PCDH15: variants seen among roughly 807,000 people sequenced by gnomAD.
PCDH15 encodes the protein protocadherin-15.
PCDH15 carries 129 observed loss-of-function variants against 178.5 expected under a neutral mutation model. That is an observed-to-expected ratio of 0.72 (90% CI 0.63 to 0.84). PCDH15 has a LOEUF of 0.84. PCDH15 is among the 40% of genes least tolerant of loss of function. The probability of loss-of-function intolerance (pLI) is 0.00; values close to 1 mark genes in which losing one functional copy is unlikely to be tolerated. For synonymous variants in PCDH15, 800 were observed against 732.0 expected, an observed-to-expected ratio of 1.09 and a Z score of -1.50; for missense variants, 2,230 against 2,099.9, an observed-to-expected ratio of 1.06 and a Z score of -1.21.
chr10:55,205,075 C>G (rs1315217551), intron 1 of PCDH15, among the ~76,000 whole-genome samples: 1 of 151,856 alleles, frequency 6.6e-6, no homozygotes, highest in African/African-American at 2.4e-5. Context: ...GATCTTACTT[C>G]CAAGCAAGCC....
At chr10:54,600,773 G>A (rs927200997) in intron 2 of PCDH15, 2 of 458,272 alleles carry the variant, frequency 4.4e-6, no homozygotes, top group Admixed American at 2.7e-5. Flanking sequence ...TTCTCCCATA[G>A]GGGCTCCAGA....
At chr10:54,161,926 G>T (rs2133450795) in intron 13 of PCDH15, among the ~76,000 whole-genome samples, 1 of 152,124 alleles carries the variant, frequency 6.6e-6, no homozygotes, top group Non-Finnish European at 1.5e-5. Context: ...TTTCTTCTCT[G>T]GCAATATTTG....
At chr10:53,843,340 C>T (rs1347497139) in intron 28 of PCDH15, among the ~76,000 whole-genome samples, 1 of 151,912 alleles carries the variant, frequency 6.6e-6, no homozygotes, top group African/African-American at 2.4e-5. Flanking sequence ...TCATCTATAT[C>T]TATATACTAA....
intron 23 of PCDH15, among the ~76,000 whole-genome samples, chr10:53,954,822 G>A (rs2087452964): frequency 6.6e-6 from 1 of 152,136 alleles, no homozygotes; most frequent in Non-Finnish European, 1.5e-5. Flanking sequence ...GATATTTTAA[G>A]AACAATTTAC....
chr10:55,406,144 G>A (rs1838192982), intron 2 of PCDH15, among the ~76,000 whole-genome samples: 1 of 151,850 alleles, frequency 6.6e-6, no homozygotes, highest in South Asian at 2.1e-4. Flanking sequence ...GTTCCTGCAG[G>A]AGAATAGCAG....
chr10:55,138,675 C>T (rs1001088062), intron 2 of PCDH15, among the ~76,000 whole-genome samples: 2 of 152,080 alleles, frequency 1.3e-5, no homozygotes, highest in African/African-American at 2.4e-5. Context: ...TTTAAGGTAT[C>T]AAATTTGATG....
intron 3 of PCDH15, among the ~76,000 whole-genome samples, chr10:54,418,276 G>T (rs1356572179): frequency 1.3e-5 from 2 of 151,990 alleles, no homozygotes; most frequent in Admixed American, 6.6e-5. Context: ...ATATTATTTT[G>T]ACTGTTTGTA....
chr10:54,394,967 T>C (rs868056975), intron 3 of PCDH15, among the ~76,000 whole-genome samples: 1 of 152,186 alleles, frequency 6.6e-6, no homozygotes, highest in African/African-American at 2.4e-5. Flanking sequence ...AGGTTATCTC[T>C]CTTATTCCCC....
chr10:54,039,550 A>G (rs1015653676), intron 18 of PCDH15, among the ~76,000 whole-genome samples: 1 of 152,000 alleles, frequency 6.6e-6, no homozygotes, highest in African/African-American at 2.4e-5. Context: ...AGAAGGAAAA[A>G]CATACTTCAG....
intron 2 of PCDH15, among the ~76,000 whole-genome samples, chr10:55,405,623 T>C (rs1417139743): frequency 1.3e-5 from 2 of 151,804 alleles, no homozygotes; most frequent in South Asian, 2.1e-4. Context: ...TAGAATGATA[T>C]GCACTTCAAA....
At chr10:54,686,307 T>C (rs7099751) in intron 1 of PCDH15, among the ~76,000 whole-genome samples, 1,691 of 152,188 alleles carry the variant, frequency 0.011, 23 homozygotes, top group African/African-American at 0.038. Context: ...CATTTAATAG[T>C]TGAAATTTTA....
intron 13 of PCDH15, among the ~76,000 whole-genome samples, chr10:54,177,259 T>G (rs77131293): frequency 2.8e-4 from 43 of 152,120 alleles, no homozygotes; most frequent in African/African-American, 1.0e-3. Context: ...GATCAATGAT[T>G]GTCAGGGGAA....
chr10:55,177,131 G>A (rs1028186166), intron 1 of PCDH15, among the ~76,000 whole-genome samples: 1 of 152,076 alleles, frequency 6.6e-6, no homozygotes, highest in Non-Finnish European at 1.5e-5. Flanking sequence ...AGGGAACCAG[G>A]GCATTAGGCA....
intron 3 of PCDH15, among the ~76,000 whole-genome samples, chr10:54,412,776 C>G (rs1282257761): frequency 6.6e-6 from 1 of 152,138 alleles, no homozygotes; most frequent in Non-Finnish European, 1.5e-5. Context: ...GGGTGGAGGG[C>G]AGTGGCGTGA....
At chr10:53,824,665 G>GTA (rs1284293468) in intron 32 of PCDH15, among the ~76,000 whole-genome samples, 1 of 152,068 alleles carries the variant, frequency 6.6e-6, no homozygotes, top group African/African-American at 2.4e-5. Context: ...ATCTTGAAAA[G>GTA]TATTTTTCAA....
At chr10:54,403,494 A>AC (rs2135508076) in intron 3 of PCDH15, among the ~76,000 whole-genome samples, 1 of 152,180 alleles carries the variant, frequency 6.6e-6, no homozygotes, top group African/African-American at 2.4e-5. Flanking sequence ...ATTATACTGA[A>AC]TTGGCAAAAG....
At chr10:55,413,954 C>T (rs1304818635) in intron 2 of PCDH15, among the ~76,000 whole-genome samples, 3 of 151,016 alleles carry the variant, frequency 2.0e-5, no homozygotes, top group African/African-American at 7.3e-5. Context: ...TGCATTTGTT[C>T]AAGACATGTA....
At chr10:54,685,929 G>A (rs113566249) in intron 1 of PCDH15, among the ~76,000 whole-genome samples, 3 of 152,066 alleles carry the variant, frequency 2.0e-5, no homozygotes, top group South Asian at 2.1e-4. Flanking sequence ...GTAAGTTGGC[G>A]ACTCTCTGTA....
chr10:55,470,243 G>A (rs1417992931), intron 2 of PCDH15, among the ~76,000 whole-genome samples: 1 of 151,782 alleles, frequency 6.6e-6, no homozygotes, highest in Non-Finnish European at 1.5e-5. Flanking sequence ...TCAGCTACTC[G>A]GAGGCTGAGG....
Sources: allele counts gnomAD v4.1 joint callset (sites outside exome capture counted in the v4.1 genomes callset), GRCh38; gene constraint gnomAD v4.1.1; transcripts MANE v1.5; gene names NCBI Gene and HGNC (gene_info 2026-07-23, HGNC 2026-07-21).